Variants in GPM6A observed in about 807,000 individuals in gnomAD.
The protein encoded by GPM6A is glycoprotein M6A.
In GPM6A, 7 loss-of-function variants were observed where a neutral mutation model predicts 32.1. That is an observed-to-expected ratio of 0.22 (90% CI 0.12 to 0.41). The LOEUF (loss-of-function observed/expected upper bound fraction) is 0.41, where lower values mean the gene tolerates loss of function less well. Ranked by LOEUF, GPM6A falls within the 10% of genes least tolerant of loss-of-function variation. The probability of loss-of-function intolerance (pLI) is 1.00; values close to 1 mark genes in which losing one functional copy is unlikely to be tolerated. For synonymous variants in GPM6A, 130 were observed against 123.4 expected (o/e 1.05, Z -0.35); for missense variants, 235 against 347.2 (o/e 0.68, Z 2.57).
intron 1 of GPM6A, among the ~76,000 whole-genome samples, chr4:175,779,168 T>A (rs1208053677): frequency 6.6e-6 from 1 of 152,192 alleles, no homozygotes; most frequent in Non-Finnish European, 1.5e-5. Context: ...TTGTTCTTTA[T>A]CTATCCTGTG....
upstream of GPM6A, among the ~76,000 whole-genome samples, chr4:175,816,178 A>C (rs1735095145): frequency 6.6e-6 from 1 of 152,202 alleles, no homozygotes; most frequent in Admixed American, 6.5e-5. Flanking sequence ...GCCACAGGGT[A>C]GGACCCTGCC....
At chr4:175,831,597 C>CCACCCTT (rs2111368079) in intron 1 of GPM6A, among the ~76,000 whole-genome samples, 1 of 152,166 alleles carries the variant, frequency 6.6e-6, no homozygotes, top group South Asian at 2.1e-4. Context: ...CAGGCTACTC[C>CCACCCTT]CACCCTTCTC....
At chr4:175,886,722 A>AACACACACACAC (rs34241399) in intron 1 of GPM6A, among the ~76,000 whole-genome samples, 2 of 145,724 alleles carry the variant, frequency 1.4e-5, no homozygotes, top group African/African-American at 5.1e-5. Flanking sequence ...AAACTCAGTA[A>AACACACACACAC]ACACACACAC....
At chr4:175,987,077 T>C (rs1481428158) in intron 1 of GPM6A, among the ~76,000 whole-genome samples, 1 of 152,196 alleles carries the variant, frequency 6.6e-6, no homozygotes, top group African/African-American at 2.4e-5. Flanking sequence ...ATATACACCA[T>C]ATAAAGTTCC....
intron 1 of GPM6A, among the ~76,000 whole-genome samples, chr4:175,965,479 G>A (rs1740304824): frequency 6.6e-6 from 1 of 151,720 alleles, no homozygotes; most frequent in African/African-American, 2.4e-5. Context: ...AATCAAAGGA[G>A]AAAAATCAAT....
At chr4:175,934,611 G>A (rs1451627467) in intron 1 of GPM6A, among the ~76,000 whole-genome samples, 1 of 152,068 alleles carries the variant, frequency 6.6e-6, no homozygotes, top group Non-Finnish European at 1.5e-5. Context: ...TTTGTTTTTG[G>A]TTCTAAAATT....
At chr4:175,773,403 T>G (rs1386387296) in intron 1 of GPM6A, among the ~76,000 whole-genome samples, 4 of 152,162 alleles carry the variant, frequency 2.6e-5, no homozygotes, top group African/African-American at 9.7e-5. Context: ...TAAGAAAACC[T>G]AATTGGCATA....
intron 1 of GPM6A, among the ~76,000 whole-genome samples, chr4:175,831,384 A>C (rs550918596): frequency 6.6e-6 from 1 of 152,300 alleles, no homozygotes; most frequent in East Asian, 1.9e-4. Flanking sequence ...AGCTCAAAAC[A>C]CTAAGCTTAC....
At chr4:175,974,822 A>G (rs975432104) in intron 1 of GPM6A, among the ~76,000 whole-genome samples, 2 of 152,110 alleles carry the variant, frequency 1.3e-5, no homozygotes, top group Non-Finnish European at 2.9e-5. Context: ...AGCTGGGACT[A>G]CAGGCACATG....
At chr4:175,827,408 T>C (rs1735472775) in intron 1 of GPM6A, among the ~76,000 whole-genome samples, 1 of 152,180 alleles carries the variant, frequency 6.6e-6, no homozygotes, top group Non-Finnish European at 1.5e-5. Context: ...CATAGTATTA[T>C]TATCCCCACT....
At chr4:175,805,569 A>G (rs772976636) in intron 1 of GPM6A, among the ~76,000 whole-genome samples, 1 of 152,210 alleles carries the variant, frequency 6.6e-6, no homozygotes, top group Non-Finnish European at 1.5e-5. Context: ...GGAGGTAAGT[A>G]AAGTAAAACT....
intron 1 of GPM6A, among the ~76,000 whole-genome samples, chr4:175,768,329 A>G (rs1733055624): frequency 6.6e-6 from 1 of 152,138 alleles, no homozygotes; most frequent in Admixed American, 6.6e-5. Flanking sequence ...GAAATATATC[A>G]GTTTTGTGTC....
At chr4:175,932,110 A>G (rs983139511) in intron 1 of GPM6A, among the ~76,000 whole-genome samples, 2 of 151,738 alleles carry the variant, frequency 1.3e-5, no homozygotes, top group South Asian at 2.1e-4. Flanking sequence ...AAAAAAAAAA[A>G]AAAGAAAAAA....
In GPM6A at chr4:175,640,845, A is replaced by G; in HGVS notation, c.542-16T>C. On this transcript the variant is annotated splice_polypyrimidine_tract_variant and intron_variant, in intron 4 of 6. Coordinates refer to ENST00000393658, the MANE Select transcript of GPM6A (RefSeq NM_201591.3). Reference sequence around the variant, plus strand: ...GTCACAATTCCTACAATGTGTGGGAAATGACAGTTTAGCAGTATAAATGTT... The same window carrying G: ...GTCACAATTCCTACAATGTGTGGGAGATGACAGTTTAGCAGTATAAATGTT... 3.3e-6 allele frequency: 5 copies of G among 1,526,316 alleles called. No homozygotes were observed. Among genetic ancestry groups the G allele is most frequent in the Non-Finnish European group, 2.7e-6 (3 of 1,100,752 alleles). 94.5% of individuals were successfully genotyped at this position (1,526,316 alleles called of 1,614,324 possible). A position where few individuals can be genotyped will look rare whatever the true frequency, so the allele number is the denominator to read the frequency against.
chr4:175,731,137 C>T (rs546542825), intron 1 of GPM6A, among the ~76,000 whole-genome samples: 3 of 152,096 alleles, frequency 2.0e-5, no homozygotes, highest in African/African-American at 7.2e-5. Context: ...TAAAAAGATA[C>T]CACGGCACAT....
chr4:175,745,631 G>A (rs1413733567), intron 1 of GPM6A, among the ~76,000 whole-genome samples: 1 of 152,090 alleles, frequency 6.6e-6, no homozygotes, highest in Admixed American at 6.6e-5. Flanking sequence ...TCCTCATAAC[G>A]AGAACATTAT....
chr4:175,913,137 CT>C (rs1181585285), intron 1 of GPM6A, among the ~76,000 whole-genome samples: 1 of 152,074 alleles, frequency 6.6e-6, no homozygotes, highest in Non-Finnish European at 1.5e-5. Flanking sequence ...TGCTGAATTT[CT>C]TTTTATGCAT....
chr4:175,672,426 C>G (rs923638999), intron 3 of GPM6A, among the ~76,000 whole-genome samples: 2 of 152,138 alleles, frequency 1.3e-5, no homozygotes, highest in African/African-American at 4.8e-5. Context: ...AAGCCAATTA[C>G]TATATAACTC....
In GPM6A at chr4:175,863,674, A is replaced by G. The variant is rs143991009; in HGVS notation, c.-22-51425T>C. Among the ~76,000 whole-genome samples, 5 of 152,284 alleles carry G rather than the reference A, an allele frequency of 3.3e-5. No individual in the cohort carries two copies. The East Asian group carries it at 9.6e-4, about 29-fold the overall frequency. On this transcript the variant is annotated intron_variant, in intron 1 of 7. Coordinates refer to the GPM6A transcript ENST00000280187. ...CTTCAAAATTATTTTCCAAAATTGA[A>G]CAAATTTATGTTGCCACCAGCAATG... is the stretch of plus-strand genomic sequence containing the variant.
Sources: gnomAD v4.1 joint callset for allele counts (sites outside exome capture counted in the v4.1 genomes callset) on GRCh38, gnomAD v4.1.1 for gene constraint, MANE v1.5 for transcripts, NCBI Gene and HGNC (gene_info 2026-07-23, HGNC 2026-07-21) for gene names.